Variants in LTBP1 observed in about 807,000 individuals in gnomAD.
LTBP1 encodes latent transforming growth factor beta binding protein 1.
LTBP1 carries 129 observed loss-of-function variants against 207.6 expected under a neutral mutation model. The ratio of observed to expected loss-of-function variants is 0.62; its 90% CI spans 0.54 to 0.72. LTBP1 has a LOEUF of 0.72. Among genes scored for constraint, LTBP1 ranks in the 30% least tolerant of loss-of-function variants. The probability of loss-of-function intolerance (pLI) is 0.00; values close to 1 mark genes in which losing one functional copy is unlikely to be tolerated. For missense variants in LTBP1, 2,281 were observed against 2,217.2 expected (o/e 1.03, Z -0.58); for synonymous variants, 963 against 833.7 (o/e 1.16, Z -2.67).
intron 18 of LTBP1, among the ~76,000 whole-genome samples, chr2:33,278,159 C>T (rs902351246): frequency 2.0e-5 from 3 of 151,470 alleles, no homozygotes; most frequent in East Asian, 1.9e-4. Flanking sequence ...GTTCTACACA[C>T]GGGTCAAGAA....
intron 3 of LTBP1, among the ~76,000 whole-genome samples, chr2:33,029,511 G>C (rs753064638): frequency 1.3e-5 from 2 of 152,136 alleles, no homozygotes; most frequent in African/African-American, 4.8e-5. Flanking sequence ...TATTATTTGA[G>C]CATAATGAAA....
intron 24 of LTBP1, among the ~76,000 whole-genome samples, chr2:33,329,207 T>C (rs956025306): frequency 5.9e-5 from 9 of 152,224 alleles, no homozygotes; most frequent in African/African-American, 2.2e-4. Flanking sequence ...TTAGCCATAC[T>C]GAGTAAAGGT....
intron 2 of LTBP1, among the ~76,000 whole-genome samples, chr2:32,959,621 A>ATATATATATATATTTTTTT (rs1475834284): frequency 8.2e-5 from 3 of 36,668 alleles, no homozygotes; most frequent in African/African-American, 1.9e-4. Context: ...ATATATATAT[A>ATATATATATATATTTTTTT]TTTTTTTTTT....
At chr2:33,178,724 A>G (rs2086318925) in intron 5 of LTBP1, among the ~76,000 whole-genome samples, 1 of 152,222 alleles carries the variant, frequency 6.6e-6, no homozygotes, top group African/African-American at 2.4e-5. Flanking sequence ...ACCAATGGTT[A>G]AAATAGTCTT....
intron 2 of LTBP1, among the ~76,000 whole-genome samples, chr2:33,000,352 G>T (rs1685916757): frequency 7.4e-6 from 1 of 135,016 alleles, no homozygotes; most frequent in Non-Finnish European, 1.6e-5. Flanking sequence ...CGGAATCCAG[G>T]ATTCATTCCT....
chr2:33,339,907 A>G (rs533587467), intron 24 of LTBP1, among the ~76,000 whole-genome samples: 2 of 152,110 alleles, frequency 1.3e-5, no homozygotes, highest in East Asian at 1.9e-4. Context: ...GGCCTCCCAA[A>G]GTGCTGGGAT....
Position 33,204,917 on chromosome 2 carries a change from A to G in LTBP1, c.1702-12635A>G, listed in dbSNP as rs2089713861. 1.3e-5 allele frequency among the ~76,000 whole-genome samples: 2 copies of G among 152,212 alleles called. 1 individual carries two copies. Among genetic ancestry groups the G allele is most frequent in the East Asian group, 3.8e-4 (2 of 5,198 alleles). ...CTTGTGTTGGTATTTCCAAGACAAT[A>G]GCTCTCTTTCCATTTTAGCAAATTC... On this transcript the variant is annotated intron_variant, in intron 7 of 33. Coordinates refer to ENST00000404816, the MANE Select transcript of LTBP1 (RefSeq NM_206943.4).
intron 2 of LTBP1, among the ~76,000 whole-genome samples, chr2:32,999,076 C>G (rs1035179548): frequency 6.6e-6 from 1 of 152,154 alleles, no homozygotes; most frequent in Non-Finnish European, 1.5e-5. Context: ...TTTTAACAAG[C>G]CTCCCTGTGA....
chr2:33,223,070 C>T (rs1453769728), intron 9 of LTBP1, among the ~76,000 whole-genome samples: 1 of 152,152 alleles, frequency 6.6e-6, no homozygotes, highest in African/African-American at 2.4e-5. Context: ...TATCCTTCAC[C>T]ACCATATGTA....
At chr2:33,231,338 A>G (rs1229702143) in intron 9 of LTBP1, among the ~76,000 whole-genome samples, 1 of 152,204 alleles carries the variant, frequency 6.6e-6, no homozygotes, top group Non-Finnish European at 1.5e-5. Flanking sequence ...TCATTACCAA[A>G]ACTTTCAGCC....
chr2:33,332,467 AT>A lies in LTBP1; in HGVS notation c.3731-10370del, dbSNP rs2094507082. On this transcript the variant is annotated intron_variant, in intron 24 of 33. Coordinates refer to ENST00000404816, the MANE Select transcript of LTBP1 (RefSeq NM_206943.4). Reference sequence around the variant, plus strand: ...AATTCTGAGAAATATAAAGAAAAAAATCATTTATCAACCAGTGTTAATTAAT... The same window carrying A: ...AATTCTGAGAAATATAAAGAAAAAAACATTTATCAACCAGTGTTAATTAAT... Among the ~76,000 whole-genome samples the A allele has an allele frequency of 2.0e-5, 3 of 151,504 alleles. No homozygotes were observed. The South Asian group carries it at 6.2e-4, about 31-fold the overall frequency.
intron 9 of LTBP1, among the ~76,000 whole-genome samples, chr2:33,226,807 C>T (rs2091464363): frequency 6.6e-6 from 1 of 152,088 alleles, no homozygotes; most frequent in Non-Finnish European, 1.5e-5. Context: ...TCAGTTGGTT[C>T]TGGCCATTTT....
intron 5 of LTBP1, among the ~76,000 whole-genome samples, chr2:33,165,672 G>A (rs1448141111): frequency 6.6e-6 from 1 of 152,148 alleles, no homozygotes; most frequent in Non-Finnish European, 1.5e-5. Flanking sequence ...TGTGGAAAAG[G>A]TGATTTTGTT....
In LTBP1 at chr2:33,183,239, G is replaced by T. The variant is rs113987041; in HGVS notation, c.1202-3617G>T. 7.1e-3 allele frequency among the ~76,000 whole-genome samples: 1,088 copies of T among 152,202 alleles called. 4 individuals are homozygous for T. Among genetic ancestry groups the T allele is most frequent in the Non-Finnish European group, 0.011 (772 of 68,008 alleles). ...ATTTCACTTCCAGTGTTGTCACTTTGTATTTCTTTGCTATACTTTCTTTTT... is the reference window on the plus strand; with the variant it reads ...ATTTCACTTCCAGTGTTGTCACTTTTTATTTCTTTGCTATACTTTCTTTTT... On this transcript the variant is annotated intron_variant, in intron 5 of 33. Transcript: ENST00000404816.
At position 33,137,694 on chromosome 2, in the gene LTBP1, TTTTGTTTGTTTGTTTG is replaced by T. The variant is rs150599206; in HGVS notation, c.1201+2751_1201+2766del. ...CAACATTTGCATGGTGATTTACAGT[TTTTGTTTGTTTGTTTG>T]TTTGTTTGTTTGTTTGAGGATGTGG... On this transcript the variant is annotated intron_variant, in intron 5 of 33. Coordinates refer to ENST00000404816, the MANE Select transcript of LTBP1 (RefSeq NM_206943.4). Among the ~76,000 whole-genome samples the T allele has an allele frequency of 7.9e-5, 12 of 151,816 alleles. 1 individual carries two copies. The South Asian group carries it at 2.5e-3, about 32-fold the overall frequency.
At chr2:33,130,982 A>T (rs2081757401) in intron 4 of LTBP1, among the ~76,000 whole-genome samples, 1 of 152,042 alleles carries the variant, frequency 6.6e-6, no homozygotes, top group South Asian at 2.1e-4. Context: ...TGCTTCTCAG[A>T]CTTATAATTC....
At chr2:33,099,228 A>T (rs1265740031) in intron 3 of LTBP1, among the ~76,000 whole-genome samples, 1 of 152,220 alleles carries the variant, frequency 6.6e-6, no homozygotes, top group East Asian at 1.9e-4. Context: ...AATGCTTTCA[A>T]TATTTATTAC....
chr2:33,338,592 G>A (rs113076847), intron 24 of LTBP1, among the ~76,000 whole-genome samples: 75 of 152,240 alleles, frequency 4.9e-4, no homozygotes, highest in African/African-American at 1.8e-3. Flanking sequence ...GGACTGGAGA[G>A]GAGAGGCCCT....
intron 5 of LTBP1, among the ~76,000 whole-genome samples, chr2:33,149,329 C>T (rs2083331043): frequency 6.6e-6 from 1 of 151,540 alleles, no homozygotes; most frequent in Non-Finnish European, 1.5e-5. Context: ...AAGGCCTGCT[C>T]CTTAGAGCAG....
Sources: allele counts gnomAD v4.1 joint callset (sites outside exome capture counted in the v4.1 genomes callset), GRCh38; gene constraint gnomAD v4.1.1; transcripts MANE v1.5; gene names NCBI Gene and HGNC (gene_info 2026-07-23, HGNC 2026-07-21).